NUDT7: variants seen among roughly 807,000 people sequenced by gnomAD.
NUDT7 encodes the protein nudix hydrolase 7, also known as peroxisomal coenzyme A diphosphatase NUDT7.
Under a neutral mutation model 13.1 loss-of-function variants are expected in NUDT7, and 19 were observed. The observed-to-expected ratio is 1.45, with a 90% CI of 1.01 to 2.13. NUDT7 has a LOEUF of 2.13. Ranked by LOEUF, NUDT7 falls within the 30% of genes most tolerant of loss-of-function variation. The pLI is 0.00. For missense variants in NUDT7, 360 were observed against 291.7 expected (o/e 1.23, Z -1.71); for synonymous variants, 132 against 109.7 (o/e 1.20, Z -1.27).
chr16:77,729,650 AC>A (rs2014249830), intron 2 of NUDT7, among the ~76,000 whole-genome samples: 1 of 152,074 alleles, frequency 6.6e-6, no homozygotes. Context: ...ACATGGTGAA[AC>A]CCCATCTCTA....
intron 2 of NUDT7, among the ~76,000 whole-genome samples, chr16:77,734,453 C>G (rs957205536): frequency 1.2e-4 from 19 of 152,096 alleles, no homozygotes; most frequent in African/African-American, 4.1e-4. Flanking sequence ...GAAACCCCGT[C>G]TCTACTAAAA....
intron 2 of NUDT7, among the ~76,000 whole-genome samples, chr16:77,726,966 G>T (rs1002670775): frequency 6.6e-6 from 1 of 152,134 alleles, no homozygotes; most frequent in African/African-American, 2.4e-5. Flanking sequence ...GGGGGAGCAG[G>T]AGCAAGAGAG....
intron 2 of NUDT7, among the ~76,000 whole-genome samples, chr16:77,734,502 A>C (rs1339172210): frequency 6.6e-6 from 1 of 152,172 alleles, no homozygotes; most frequent in South Asian, 2.1e-4. Context: ...GGGCACCTGT[A>C]GTCCCAGCTA....
At chr16:77,725,410 T>C (rs1247025743) in intron 1 of NUDT7, 21 bp from the exon 2 acceptor site, 1 of 1,599,714 alleles carries the variant, frequency 6.3e-7, no homozygotes, top group Non-Finnish European at 8.5e-7. Flanking sequence ...AAAATGTCTG[T>C]CTGGTTTGTT....
intron 2 of NUDT7, among the ~76,000 whole-genome samples, chr16:77,730,681 C>G (rs2014291434): frequency 6.6e-6 from 1 of 151,968 alleles, no homozygotes; most frequent in South Asian, 2.1e-4. Context: ...TTTGAGAAAC[C>G]TCCATTCTGT....
In NUDT7 at chr16:77,725,384, C is replaced by T. The variant is rs753242214; in HGVS notation, c.36-47C>T. On this transcript the variant is annotated intron_variant, in intron 1 of 3. Coordinates refer to ENST00000268533, the MANE Select transcript of NUDT7 (RefSeq NM_001105663.3). ...AGAGGCAGGACTATAAGCTTTTTAC[C>T]ATAACTCTGCTTGCTAAAATGTCTG... 6.4e-6 allele frequency: 10 copies of T among 1,563,790 alleles called. No homozygotes were observed. The Admixed American group carries it at 1.4e-4, about 22-fold the overall frequency.
intron 2 of NUDT7, among the ~76,000 whole-genome samples, chr16:77,732,605 C>A (rs780135006): frequency 2.6e-5 from 4 of 152,128 alleles, no homozygotes; most frequent in African/African-American, 9.7e-5. Flanking sequence ...TTACTATTGC[C>A]TGCAATATCC....
Position 77,741,577 on chromosome 16 carries a change from T to G in NUDT7, c.349-5T>G. ...TAATTTGTCTGTTTTGTTTTCTGCT[T>G]TTAGACAGATACATTGATAACTCCA... On this transcript the variant is annotated splice_region_variant and splice_polypyrimidine_tract_variant and intron_variant, in intron 3 of 3. Transcript: ENST00000268533. 1.3e-6 allele frequency: 2 copies of G among 1,594,464 alleles called. No homozygotes were observed. Among genetic ancestry groups the G allele is most frequent in the Non-Finnish European group, 1.7e-6 (2 of 1,173,574 alleles).
At chr16:77,722,771 C>T (rs1358686278) in intron 1 of NUDT7, among the ~76,000 whole-genome samples, 154 bp downstream of exon 1, 1 of 152,218 alleles carries the variant, frequency 6.6e-6, no homozygotes, top group African/African-American at 2.4e-5. Flanking sequence ...CTCCAGCAAC[C>T]CGCAGGGTCC....
chr16:77,735,700 T>G, intron 2 of NUDT7, 128 bp from the exon 3 acceptor site: 1 of 840,536 alleles, frequency 1.2e-6, no homozygotes, highest in Non-Finnish European at 1.9e-6. Context: ...GCAATAGGGG[T>G]CTTGATACCA....
At chr16:77,735,606 G>A in intron 2 of NUDT7, 1 of 586,684 alleles carries the variant, frequency 1.7e-6, no homozygotes, top group South Asian at 2.2e-5. Context: ...GGTATCTTTT[G>A]GGGACAAATA....
At chr16:77,730,022 T>C (rs2145112297) in intron 2 of NUDT7, among the ~76,000 whole-genome samples, 1 of 152,050 alleles carries the variant, frequency 6.6e-6, no homozygotes, top group South Asian at 2.1e-4. Flanking sequence ...CTACCTCATA[T>C]GGTAACATAT....
In NUDT7 at chr16:77,734,791, C is replaced by T. The variant is rs1161841366; in HGVS notation, c.190-1037C>T. 2.0e-5 allele frequency among the ~76,000 whole-genome samples: 3 copies of T among 151,930 alleles called. No individual in the cohort carries two copies. In the East Asian group the frequency reaches 5.8e-4, roughly 29 times the overall value. ...TATGTGAAGGGAAAAATGCCAGACA[C>T]AAAAGTCGAGACTAGGTAAATCCAC... On this transcript the variant is annotated intron_variant, in intron 2 of 3. Transcript: ENST00000268533.
intron 3 of NUDT7, among the ~76,000 whole-genome samples, chr16:77,740,245 G>C (rs1029012764): frequency 6.6e-6 from 1 of 152,090 alleles, no homozygotes; most frequent in Non-Finnish European, 1.5e-5. Flanking sequence ...TTTGGTTAAT[G>C]GTCTGAGTTG....
chr16:77,733,310 T>C (rs979740906), intron 2 of NUDT7, among the ~76,000 whole-genome samples: 3 of 152,178 alleles, frequency 2.0e-5, no homozygotes, highest in African/African-American at 7.2e-5. Context: ...GCCAGAAGAT[T>C]TGGAGTCTGG....
intron 2 of NUDT7, among the ~76,000 whole-genome samples, chr16:77,731,355 T>C (rs767249027): frequency 8.6e-5 from 13 of 151,360 alleles, no homozygotes; most frequent in African/African-American, 1.2e-4. Context: ...CCATGGACCA[T>C]ATATACAATG....
At chr16:77,738,985 G>C (rs930162020) in intron 3 of NUDT7, among the ~76,000 whole-genome samples, 2 of 152,216 alleles carry the variant, frequency 1.3e-5, no homozygotes, top group African/African-American at 4.8e-5. Flanking sequence ...TAAGGAATCA[G>C]AGGGTGCTGG....
chr16:77,729,060 C>T (rs1333435852), intron 2 of NUDT7, among the ~76,000 whole-genome samples: 1 of 152,118 alleles, frequency 6.6e-6, no homozygotes, highest in Non-Finnish European at 1.5e-5. Flanking sequence ...CTTTACTTGG[C>T]CTCTGAGTAG....
intron 3 of NUDT7, among the ~76,000 whole-genome samples, chr16:77,740,109 C>T (rs1393538126): frequency 1.3e-5 from 2 of 152,082 alleles, no homozygotes; most frequent in East Asian, 1.9e-4. Context: ...TGTGGTGTTA[C>T]GTGCTGGTAG....
Sources: gnomAD v4.1 joint callset for allele counts (sites outside exome capture counted in the v4.1 genomes callset) on GRCh38, gnomAD v4.1.1 for gene constraint, MANE v1.5 for transcripts, NCBI Gene and HGNC (gene_info 2026-07-23, HGNC 2026-07-21) for gene names.